The following CNTNAP4 variants were observed in gnomAD, a reference collection of about 807,000 sequenced individuals.
CNTNAP4 encodes contactin associated protein family member 4, also known as contactin-associated protein-like 4.
A neutral mutation model predicts 148.4 loss-of-function variants in CNTNAP4; 98 were observed. The observed-to-expected ratio is 0.66, with a 90% CI of 0.56 to 0.78. CNTNAP4 has a LOEUF of 0.78. Ranked by LOEUF, CNTNAP4 falls within the 30% of genes least tolerant of loss-of-function variation. The pLI is 0.00. For synonymous variants in CNTNAP4, 730 were observed against 565.1 expected (o/e 1.29, Z -4.14); for missense variants, 1,935 against 1,565.6 (o/e 1.24, Z -3.98).
intron 4 of CNTNAP4, among the ~76,000 whole-genome samples, chr16:76,438,821 G>A (rs1224090125): frequency 6.6e-6 from 1 of 152,062 alleles, no homozygotes; most frequent in Non-Finnish European, 1.5e-5. Context: ...TAGAGATATT[G>A]TTTCTGAACA....
At chr16:76,374,160 T>G (rs1340432301) in intron 3 of CNTNAP4, among the ~76,000 whole-genome samples, 4 of 152,168 alleles carry the variant, frequency 2.6e-5, no homozygotes, top group African/African-American at 9.6e-5. Flanking sequence ...ATAGGATTCT[T>G]TTTCAGTAAG....
At chr16:76,485,847 A>G (rs1029178725) in intron 12 of CNTNAP4, among the ~76,000 whole-genome samples, 3 of 152,180 alleles carry the variant, frequency 2.0e-5, no homozygotes, top group African/African-American at 7.2e-5. Context: ...ATGCAGTCTT[A>G]TTTACATCAA....
rs6145898 is a variant in CNTNAP4 at position 76,307,503 on chromosome 16, C to CATATATATATATAT, written c.86-8886_86-8873dup. ...TTCTCCTAGATATCTATTTTAAATG[C>CATATATATATATAT]ATATATATATATATATATATATATA... On this transcript the variant is annotated intron_variant, in intron 1 of 23. Transcript: ENST00000611870. 9.4e-4 allele frequency among the ~76,000 whole-genome samples: 86 copies of CATATATATATATAT among 91,694 alleles called. 6 individuals are homozygous for CATATATATATATAT. The highest frequency in any genetic ancestry group is 5.8e-3 in the Middle Eastern group (1 of 172). 60.2% of individuals were successfully genotyped at this position (91,694 alleles called of 152,430 possible).
Position 76,527,228 on chromosome 16 carries a change from A to G in CNTNAP4, c.2755+4971A>G, listed in dbSNP as rs149745585. Among the ~76,000 whole-genome samples the G allele has an allele frequency of 4.9e-3, 747 of 152,104 alleles. 10 individuals carry two copies. The highest frequency in any genetic ancestry group is 0.023 in the South Asian group (113 of 4,814). On this transcript the variant is annotated intron_variant, in intron 17 of 23. Coordinates refer to ENST00000611870, the MANE Select transcript of CNTNAP4 (RefSeq NM_033401.5). The stretch of plus-strand genomic sequence containing the variant: ...GTAAATTGGGCTTCTTTGTTTATAG[A>G]TTTTGTTCCAGCACATGTCATATGT...
At chr16:76,490,233 T>A (rs2082165735) in intron 13 of CNTNAP4, among the ~76,000 whole-genome samples, 2 of 152,212 alleles carry the variant, frequency 1.3e-5, no homozygotes, top group Non-Finnish European at 2.9e-5. Context: ...TATTTTATCA[T>A]GGAAAACAGC....
At chr16:76,534,425 T>C (rs574084877) in intron 17 of CNTNAP4, among the ~76,000 whole-genome samples, 19 of 152,328 alleles carry the variant, frequency 1.2e-4, no homozygotes, top group Admixed American at 1.3e-4. Flanking sequence ...CACCATCATT[T>C]ATCCAAAGAT....
chr16:76,413,115 G>A (rs140629562), intron 3 of CNTNAP4, among the ~76,000 whole-genome samples: 103 of 151,354 alleles, frequency 6.8e-4, no homozygotes, highest in Non-Finnish European at 1.1e-3. Context: ...CAAACAATCC[G>A]AGTATACTTT....
intron 18 of CNTNAP4, 123 bp downstream of exon 18, chr16:76,535,907 A>G: frequency 9.6e-7 from 1 of 1,044,172 alleles, no homozygotes; most frequent in Non-Finnish European, 1.4e-6. Flanking sequence ...GCTTTGGCAA[A>G]GTATCTGTTG....
At chr16:76,469,678 C>T (rs2081298240) in intron 10 of CNTNAP4, 1 of 152,174 alleles carries the variant, frequency 6.6e-6, no homozygotes, top group South Asian at 2.1e-4. Flanking sequence ...AAATAGAGGA[C>T]CATCAGCACA....
At position 76,467,462 on chromosome 16, in the gene CNTNAP4, C is replaced by T. The variant is rs1232863511; in HGVS notation, c.1594C>T (p.Gln532Ter). ...SGKVVDLISV[Q>*]QGSLGNFSDL... ...CAAAGTGGTAGATCTGATTTCAGTT[C>T]AGCAGGGGTCCCTTGGGAACTTCAG... The change falls in exon 10 of 24, where the codon CAG (glutamine) becomes TAG (stop). Residue 532 changes from glutamine (Q) to a stop codon, truncating the protein, a stop_gained. Coordinates refer to ENST00000611870, the MANE Select transcript of CNTNAP4 (RefSeq NM_033401.5). LOFTEE classifies it high-confidence loss of function. 5.0e-6 allele frequency: 8 copies of T among 1,613,760 alleles called. No homozygotes were observed. The highest frequency in any genetic ancestry group is 6.8e-6 in the Non-Finnish European group (8 of 1,179,856).
At chr16:76,304,317 G>C (rs752973582) in intron 1 of CNTNAP4, among the ~76,000 whole-genome samples, 2 of 152,082 alleles carry the variant, frequency 1.3e-5, no homozygotes, top group African/African-American at 4.8e-5. Flanking sequence ...AGTGCAAGGC[G>C]ACAGGTAACC....
chr16:76,503,790 G>A (rs1316791908), intron 15 of CNTNAP4, among the ~76,000 whole-genome samples: 1 of 146,986 alleles, frequency 6.8e-6, no homozygotes, highest in Non-Finnish European at 1.5e-5. Flanking sequence ...TTGGTTTTTT[G>A]TCTTTGCGAT....
intron 10 of CNTNAP4, among the ~76,000 whole-genome samples, chr16:76,468,382 G>C (rs933733630): frequency 4.6e-5 from 7 of 152,204 alleles, no homozygotes; most frequent in African/African-American, 1.4e-4. Flanking sequence ...GCTGAGGCAG[G>C]AGAATCACTT....
chr16:76,513,953 T>A (rs1192859412), intron 15 of CNTNAP4, among the ~76,000 whole-genome samples: 1 of 152,214 alleles, frequency 6.6e-6, no homozygotes, highest in Non-Finnish European at 1.5e-5. Context: ...TTTGAATAAA[T>A]GAATTTGGTC....
chr16:76,510,892 C>G (rs1164025847), intron 15 of CNTNAP4, among the ~76,000 whole-genome samples: 1 of 152,076 alleles, frequency 6.6e-6, no homozygotes, highest in Non-Finnish European at 1.5e-5. Context: ...GTGAAGGACT[C>G]TGAGGCCATA....
intron 3 of CNTNAP4, among the ~76,000 whole-genome samples, chr16:76,374,236 C>T (rs1475466676): frequency 6.6e-6 from 1 of 152,122 alleles, no homozygotes; most frequent in Non-Finnish European, 1.5e-5. Flanking sequence ...CACTTTATTA[C>T]ATTATGTTCA....
intron 3 of CNTNAP4, among the ~76,000 whole-genome samples, chr16:76,418,305 A>G (rs548276506): frequency 1.4e-5 from 2 of 145,850 alleles, no homozygotes; most frequent in Admixed American, 1.4e-4. Flanking sequence ...TTCTTTTTCT[A>G]TTACAGGTTT....
At chr16:76,458,356 G>A (rs1378429064) in intron 8 of CNTNAP4, among the ~76,000 whole-genome samples, 2 of 151,912 alleles carry the variant, frequency 1.3e-5, no homozygotes, top group Non-Finnish European at 2.9e-5. Flanking sequence ...GTAATGTTGG[G>A]GGATGGTTTC....
chr16:76,401,755 A>G (rs1453700374), intron 3 of CNTNAP4, among the ~76,000 whole-genome samples: 1 of 152,128 alleles, frequency 6.6e-6, no homozygotes, highest in Non-Finnish European at 1.5e-5. Context: ...ACTTGAAAGG[A>G]TGTTGAATTT....
Sources: allele counts gnomAD v4.1 joint callset (sites outside exome capture counted in the v4.1 genomes callset), GRCh38; gene constraint gnomAD v4.1.1; transcripts MANE v1.5; gene names NCBI Gene and HGNC (gene_info 2026-07-23, HGNC 2026-07-21).